The following ASIC2 variants were observed in gnomAD, a reference collection of about 807,000 sequenced individuals.
The protein encoded by ASIC2 is acid-sensing ion channel 2.
ASIC2 carries 25 observed loss-of-function variants against 57.3 expected under a neutral mutation model. The ratio of observed to expected loss-of-function variants is 0.44; its 90% CI spans 0.32 to 0.61. ASIC2 has a LOEUF of 0.61. Among genes scored for constraint, ASIC2 ranks in the 20% least tolerant of loss-of-function variants. The pLI is 0.06. For synonymous variants in ASIC2, 319 were observed against 307.5 expected (o/e 1.04, Z -0.39); for missense variants, 641 against 738.1 (o/e 0.87, Z 1.52).
chr17:33,494,997 CTG>C (rs963353925), intron 1 of ASIC2, among the ~76,000 whole-genome samples: 1 of 152,184 alleles, frequency 6.6e-6, no homozygotes, highest in African/African-American at 2.4e-5. Context: ...CTAAGTCTGA[CTG>C]TGCATCAGAA....
intron 1 of ASIC2, among the ~76,000 whole-genome samples, chr17:33,457,602 TA>T (rs1308821517): frequency 6.6e-6 from 1 of 152,154 alleles, no homozygotes; most frequent in African/African-American, 2.4e-5. Context: ...TCTATAAAGG[TA>T]GTAGTATTAG....
rs112314260 is a variant in ASIC2, at chr17:33,946,308, G to T, written c.555+209670C>A. ...CATGGGTGAAAGACGACTGGGACAGGTTGTTGGGTCTGGGGGGCCCGAGGC... is the reference window on the plus strand; with the variant it reads ...CATGGGTGAAAGACGACTGGGACAGTTTGTTGGGTCTGGGGGGCCCGAGGC... On this transcript the variant is annotated intron_variant, in intron 1 of 9. Coordinates refer to the ASIC2 transcript ENST00000359872. Among the ~76,000 whole-genome samples the T allele has an allele frequency of 9.7e-3, 1,443 of 149,306 alleles. 26 individuals are homozygous for T. The highest frequency in any genetic ancestry group is 0.055 in the South Asian group (254 of 4,598).
chr17:33,024,380 T>C (rs1244197696), intron 5 of ASIC2, among the ~76,000 whole-genome samples: 1 of 152,140 alleles, frequency 6.6e-6, no homozygotes, highest in African/African-American at 2.4e-5. Flanking sequence ...GGAGACCATT[T>C]TATCTGAAAC....
intron 1 of ASIC2, among the ~76,000 whole-genome samples, chr17:33,847,481 G>A (rs1272933700): frequency 6.6e-6 from 1 of 151,964 alleles, no homozygotes; most frequent in South Asian, 2.1e-4. Context: ...TAATCTCCAG[G>A]CTCTCTTCCT....
rs907379334 is a variant in ASIC2, at chr17:33,013,852, G to T, written c.*113C>A. The T allele has an allele frequency of 3.3e-6, 3 of 919,514 alleles. No individual in the cohort carries two copies. Among genetic ancestry groups the T allele is most frequent in the African/African-American group, 1.7e-5 (1 of 60,592 alleles). 57.0% of individuals were successfully genotyped at this position (919,514 alleles called of 1,614,324 possible). A position where few individuals can be genotyped will look rare whatever the true frequency, so the allele number is the denominator to read the frequency against. On this transcript the variant is annotated 3_prime_UTR_variant, in exon 10 of 10. Coordinates refer to ENST00000225823, the MANE Select transcript of ASIC2 (RefSeq NM_183377.2). ...GCTAGTCTGCAATGTGTGCATAGGG[G>T]GCTCTTGCTTCTTTCCAGCACTGGG...
intron 1 of ASIC2, among the ~76,000 whole-genome samples, chr17:33,183,627 C>T (rs1031283541): frequency 5.3e-5 from 8 of 152,200 alleles, no homozygotes; most frequent in Non-Finnish European, 1.0e-4. Flanking sequence ...ATCTGCTTTT[C>T]TATCAAAATC....
chr17:33,454,556 T>C (rs959983046), intron 1 of ASIC2, among the ~76,000 whole-genome samples: 3 of 152,246 alleles, frequency 2.0e-5, no homozygotes, highest in East Asian at 1.9e-4. Flanking sequence ...TTGTGGTTTG[T>C]AGGCAAATAA....
intron 1 of ASIC2, among the ~76,000 whole-genome samples, chr17:33,466,648 A>T (rs1382442372): frequency 6.6e-6 from 1 of 152,176 alleles, no homozygotes; most frequent in Non-Finnish European, 1.5e-5. Flanking sequence ...CAAAACAGAG[A>T]TATAGACCAA....
intron 1 of ASIC2, among the ~76,000 whole-genome samples, chr17:34,121,176 G>T (rs764691177): frequency 2.0e-4 from 31 of 152,172 alleles, no homozygotes; most frequent in Non-Finnish European, 7.4e-5. Context: ...GCCAGAAGAG[G>T]CAAGAAAGGA....
chr17:33,717,304 C>T (rs1262107787), intron 1 of ASIC2, among the ~76,000 whole-genome samples: 1 of 152,188 alleles, frequency 6.6e-6, no homozygotes, highest in African/African-American at 2.4e-5. Context: ...TAGTTTTCTT[C>T]CCGCTCAAAA....
At chr17:34,024,447 G>T (rs1258270968) in intron 1 of ASIC2, among the ~76,000 whole-genome samples, 2 of 152,210 alleles carry the variant, frequency 1.3e-5, no homozygotes, top group Non-Finnish European at 2.9e-5. Flanking sequence ...CTGGGCGGTG[G>T]CCCCAGGGGA....
intron 1 of ASIC2, among the ~76,000 whole-genome samples, chr17:34,068,609 G>C (rs926231793): frequency 2.0e-5 from 3 of 152,222 alleles, no homozygotes; most frequent in Non-Finnish European, 4.4e-5. Context: ...CAAATGGTTT[G>C]AAAGTCCCAT....
intron 1 of ASIC2, among the ~76,000 whole-genome samples, chr17:33,351,775 T>C (rs538253877): frequency 6.6e-6 from 1 of 152,278 alleles, no homozygotes; most frequent in South Asian, 2.1e-4. Flanking sequence ...TTCTTGGGCA[T>C]TTTAGAGCTT....
intron 3 of ASIC2, among the ~76,000 whole-genome samples, chr17:33,077,865 A>G (rs2092095940): frequency 6.6e-6 from 1 of 152,178 alleles, no homozygotes; most frequent in African/African-American, 2.4e-5. Flanking sequence ...TCAGTCATTC[A>G]TTATAGTTGA....
chr17:33,911,015 C>T (rs1915450941), intron 1 of ASIC2, among the ~76,000 whole-genome samples: 1 of 152,170 alleles, frequency 6.6e-6, no homozygotes, highest in African/African-American at 2.4e-5. Flanking sequence ...GTCTTGGCTT[C>T]CTCGGTTACA....
At chr17:33,418,846 A>C (rs1910948652) in intron 1 of ASIC2, among the ~76,000 whole-genome samples, 1 of 152,040 alleles carries the variant, frequency 6.6e-6, no homozygotes, top group East Asian at 1.9e-4. Context: ...GTAAACTAAC[A>C]CAAGAACAGA....
intron 1 of ASIC2, among the ~76,000 whole-genome samples, chr17:33,962,333 A>T (rs558161190): frequency 2.6e-5 from 4 of 152,276 alleles, no homozygotes; most frequent in Non-Finnish European, 5.9e-5. Flanking sequence ...GGGAGGTGAC[A>T]TCGGAATAGA....
chr17:34,074,457 T>C (rs1313081850), intron 1 of ASIC2, among the ~76,000 whole-genome samples: 1 of 152,164 alleles, frequency 6.6e-6, no homozygotes, highest in African/African-American at 2.4e-5. Context: ...TCTAGCACCC[T>C]CTCTCTATGC....
intron 1 of ASIC2, among the ~76,000 whole-genome samples, chr17:33,944,907 C>G (rs887098556): frequency 6.6e-6 from 1 of 152,146 alleles, no homozygotes; most frequent in Non-Finnish European, 1.5e-5. Context: ...TTTCTGCTTC[C>G]CTCACCCCTG....
Sources: allele counts gnomAD v4.1 joint callset (sites outside exome capture counted in the v4.1 genomes callset), GRCh38; gene constraint gnomAD v4.1.1; transcripts MANE v1.5; gene names NCBI Gene and HGNC (gene_info 2026-07-23, HGNC 2026-07-21).